UNK: variants seen among roughly 807,000 people sequenced by gnomAD.
UNK encodes unk zinc finger.
A neutral mutation model predicts 97.6 loss-of-function variants in UNK; 32 were observed. The ratio of observed to expected loss-of-function variants is 0.33; its 90% CI spans 0.25 to 0.44. The LOEUF (loss-of-function observed/expected upper bound fraction) is 0.44. UNK is among the 20% of genes least tolerant of loss of function. The probability of loss-of-function intolerance (pLI) is 1.00; values close to 1 mark genes in which losing one functional copy is unlikely to be tolerated. For missense variants in UNK, 771 were observed against 1,098.4 expected (o/e 0.70, Z 4.21); for synonymous variants, 441 against 461.2 (o/e 0.96, Z 0.56).
chr17:75,794,492 G>C (rs1270136405), intron 1 of UNK, among the ~76,000 whole-genome samples: 3 of 152,122 alleles, frequency 2.0e-5, no homozygotes, highest in African/African-American at 7.2e-5. Context: ...CAAAAAACTA[G>C]CTGGGTGTGG....
At chr17:75,792,471 T>C (rs2061770994) in intron 1 of UNK, 4 of 985,446 alleles carry the variant, frequency 4.1e-6, no homozygotes, top group Non-Finnish European at 4.8e-6. Context: ...TGAAGATGGA[T>C]GTTGAATGTA....
intron 1 of UNK, among the ~76,000 whole-genome samples, chr17:75,803,237 A>G (rs1238942783): frequency 7.3e-6 from 1 of 136,392 alleles, no homozygotes; most frequent in East Asian, 2.0e-4. Flanking sequence ...CGTCTCTACT[A>G]AAAAATACAA....
At chr17:75,791,722 G>T (rs749736489) in intron 1 of UNK, 4 of 984,886 alleles carry the variant, frequency 4.1e-6, no homozygotes, top group Non-Finnish European at 4.8e-6. Context: ...TTAAAGTCAA[G>T]ATTTGCTTAA....
At position 75,818,366 on chromosome 17, in the gene UNK, G is replaced by C. The variant is rs761061583; in HGVS notation, c.1371+198G>C. On this transcript the variant is annotated intron_variant, in intron 10 of 15. Transcript: ENST00000589666. This position sits in a 1 kb window ranked among gnomAD's most constrained non-coding sequence, Gnocchi z 5.1. ...TCACCTCCTAGACTCAGTGGAGAAGGTGTTCCTGGAGCCTCTGCACTCTGC... is the reference window on the plus strand; with the variant it reads ...TCACCTCCTAGACTCAGTGGAGAAGCTGTTCCTGGAGCCTCTGCACTCTGC... Among the ~76,000 whole-genome samples the C allele has an allele frequency of 6.6e-6, 1 of 152,142 alleles. No homozygotes were observed. The highest frequency in any genetic ancestry group is 2.4e-5 in the African/African-American group (1 of 41,444).
At chr17:75,801,061 G>A (rs1157209099) in intron 1 of UNK, among the ~76,000 whole-genome samples, 4 of 151,146 alleles carry the variant, frequency 2.6e-5, no homozygotes, top group East Asian at 2.0e-4. Flanking sequence ...CAGCCACCAC[G>A]CCCGGCTAAT....
At chr17:75,803,413 A>G (rs1161207316) in intron 1 of UNK, among the ~76,000 whole-genome samples, 12 of 152,134 alleles carry the variant, frequency 7.9e-5, no homozygotes, top group Admixed American at 6.6e-4. Flanking sequence ...AAGAAGGCCG[A>G]TTTCATGTGG....
In UNK at chr17:75,817,037, G is replaced by C; in HGVS notation, c.1104+125G>C. Reference sequence around the variant, plus strand: ...ATTTGTCCTCAGGCCAGGGGGATCTGTCTTTTCCATCTCAGCATTCTTCGT... The same window carrying C: ...ATTTGTCCTCAGGCCAGGGGGATCTCTCTTTTCCATCTCAGCATTCTTCGT... On this transcript the variant is annotated intron_variant, in intron 8 of 15. Coordinates refer to ENST00000589666, the MANE Select transcript of UNK (RefSeq NM_001080419.3). The surrounding 1 kb of genome is among the most constrained non-coding windows in gnomAD (Gnocchi z 5.8). 7.3e-7 allele frequency: 1 copy of C among 1,378,876 alleles called. No individual in the cohort carries two copies. The highest frequency in any genetic ancestry group is 1.5e-5 in the South Asian group (1 of 67,586). The allele number at this position is 1,378,876 out of a possible 1,614,324, so 85.4% of individuals were successfully genotyped here.
intron 1 of UNK, among the ~76,000 whole-genome samples, chr17:75,800,001 G>A (rs2061841095): frequency 6.6e-6 from 1 of 152,168 alleles, no homozygotes; most frequent in African/African-American, 2.4e-5. Context: ...GTAGAGCAGA[G>A]GTCAGCAAAC....
intron 1 of UNK, among the ~76,000 whole-genome samples, chr17:75,788,660 T>A (rs1367735241): frequency 6.6e-6 from 1 of 151,804 alleles, no homozygotes; most frequent in Non-Finnish European, 1.5e-5. Context: ...CCACTTTTAT[T>A]TTTATTTTTA....
intron 2 of UNK, among the ~76,000 whole-genome samples, chr17:75,811,384 G>T (rs1266675098): frequency 6.6e-6 from 1 of 152,208 alleles, no homozygotes; most frequent in East Asian, 1.9e-4. Flanking sequence ...GATTGCAGAT[G>T]TGAGCTACTG....
rs2062024905 is a variant in UNK at position 75,817,242 on chromosome 17, C to G, written c.1105-84C>G. ...AAAGTGGAACTGAGCCCCTTGAAGA[C>G]TCCCTCTGGAGAGGGTGGAGGATGG... On this transcript the variant is annotated intron_variant, in intron 8 of 15. Transcript: ENST00000589666. The surrounding 1 kb of genome is among the most constrained non-coding windows in gnomAD (Gnocchi z 5.8). 7.1e-7 allele frequency: 1 copy of G among 1,403,740 alleles called. No homozygotes were observed. Among genetic ancestry groups the G allele is most frequent in the Non-Finnish European group, 9.6e-7 (1 of 1,044,628 alleles). The allele number at this position is 1,403,740 out of a possible 1,614,324, so 87.0% of individuals were successfully genotyped here. A position where few individuals can be genotyped will look rare whatever the true frequency, so the allele number is the denominator to read the frequency against.
chr17:75,794,531 G>T (rs1444066232), intron 1 of UNK, among the ~76,000 whole-genome samples: 1 of 152,038 alleles, frequency 6.6e-6, no homozygotes, highest in Non-Finnish European at 1.5e-5. Context: ...CCAGCTACTA[G>T]GGAGGCTGAG....
chr17:75,813,912 G>T, intron 6 of UNK, 34 bp downstream of exon 6: 1 of 1,528,910 alleles, frequency 6.5e-7, no homozygotes, highest in Non-Finnish European at 8.8e-7. Context: ...GGGTGGCTTT[G>T]GGAAGTAAGG....
At chr17:75,813,638 A>T in intron 5 of UNK, 123 bp from the exon 6 acceptor site, 1 of 819,988 alleles carries the variant, frequency 1.2e-6, no homozygotes, top group Non-Finnish European at 1.9e-6. Flanking sequence ...CAAGGCCCTG[A>T]CTCTGCAGCT....
At position 75,822,868 on chromosome 17, in the gene UNK, T is replaced by G. The variant is rs529190217; in HGVS notation, c.2019+210T>G. ...TACTGTTGTTGCAGGCTTCAAATTCTCTCTGTGAGCTGCTTGTAGTCTGTC... is the reference window on the plus strand; with the variant it reads ...TACTGTTGTTGCAGGCTTCAAATTCGCTCTGTGAGCTGCTTGTAGTCTGTC... On this transcript the variant is annotated intron_variant, in intron 14 of 15. Transcript: ENST00000589666. Among the ~76,000 whole-genome samples, 4 of 152,328 alleles carry G rather than the reference T, an allele frequency of 2.6e-5. No individual in the cohort carries two copies. The South Asian group carries it at 8.3e-4, about 32-fold the overall frequency.
Position 75,824,371 on chromosome 17 carries a change from A to G in UNK, c.2387A>G (p.Glu796Gly). The change falls in exon 16 of 16, where the codon GAG becomes GGG. Residue 796 changes from glutamate (E) to glycine (G), a missense_variant. By Grantham distance (98) the Glu-to-Gly change is moderately conservative. Coordinates refer to ENST00000589666, the MANE Select transcript of UNK (RefSeq NM_001080419.3). This position sits in a 1 kb window ranked among gnomAD's most constrained non-coding sequence, Gnocchi z 4.9. ...TGTGAGCTCTGCGCTGAGGGCAGCGAGTGCCCCATCTGCCAGCCTGGCCGG... is the reference window on the plus strand; with the variant it reads ...TGTGAGCTCTGCGCTGAGGGCAGCGGGTGCCCCATCTGCCAGCCTGGCCGG... ...ALCELCAEGS[E>G]CPICQPGRAH... 3 of 1,575,946 alleles carry G rather than the reference A, an allele frequency of 1.9e-6. No homozygotes were observed. The highest frequency in any genetic ancestry group is 2.6e-6 in the Non-Finnish European group (3 of 1,164,040).
In UNK at chr17:75,819,650, C is replaced by T. The variant is rs765345181; in HGVS notation, c.1547-34C>T. On this transcript the variant is annotated intron_variant, in intron 11 of 15. Coordinates refer to ENST00000589666, the MANE Select transcript of UNK (RefSeq NM_001080419.3). This position sits in a 1 kb window ranked among gnomAD's most constrained non-coding sequence, Gnocchi z 5.4. ...AGGTGGTCAGGGTCAGATAGTCCCT[C>T]GGGAGGTCACATCCCACTCTTCTCT... is the stretch of plus-strand genomic sequence containing the variant. 45 of 1,601,644 alleles carry T rather than the reference C, an allele frequency of 2.8e-5. No homozygotes were observed. Among genetic ancestry groups the T allele is most frequent in the South Asian group, 3.3e-5 (3 of 90,810 alleles).
chr17:75,792,505 A>C (rs1599359184), intron 1 of UNK: 1 of 984,816 alleles, frequency 1.0e-6, no homozygotes, highest in Non-Finnish European at 1.2e-6. Context: ...TTCTTAGCCA[A>C]TATATAAAAA....
Position 75,810,373 on chromosome 17 carries a change from C to T in UNK, c.314+404C>T, listed in dbSNP as rs184132748. Among the ~76,000 whole-genome samples the T allele has an allele frequency of 5.3e-5, 8 of 152,232 alleles. No individual in the cohort carries two copies. In the East Asian group the frequency reaches 1.5e-3, roughly 29 times the overall value. On this transcript the variant is annotated intron_variant, in intron 2 of 15. Transcript: ENST00000589666. ...CAAATCTCTGTAGAGAAATAGGGCACAGCACTGACAGACACAGGGAGGTGC... is the reference window on the plus strand; with the variant it reads ...CAAATCTCTGTAGAGAAATAGGGCATAGCACTGACAGACACAGGGAGGTGC...
Sources: gnomAD v4.1 joint callset for allele counts (sites outside exome capture counted in the v4.1 genomes callset) on GRCh38, gnomAD v4.1.1 for gene constraint, Gnocchi (gnomAD v3.1) non-coding constraint, MANE v1.5 for transcripts, NCBI Gene and HGNC (gene_info 2026-07-23, HGNC 2026-07-21) for gene names.